Variants in SFT2D1 observed in about 807,000 individuals in gnomAD.
SFT2D1 encodes the protein SFT2 domain containing 1, also known as vesicle transport protein SFT2A.
A neutral mutation model predicts 28.1 loss-of-function variants in SFT2D1; 24 were observed. The observed-to-expected ratio is 0.85, with a 90% CI of 0.62 to 1.20. The LOEUF (loss-of-function observed/expected upper bound fraction) is 1.20, where lower values mean the gene tolerates loss of function less well. Among genes scored for constraint, SFT2D1 ranks in the 50% most tolerant of loss-of-function variants. The pLI is 0.00. For missense variants in SFT2D1, 181 were observed against 190.9 expected (o/e 0.95, Z 0.31); for synonymous variants, 82 against 73.7 (o/e 1.11, Z -0.58).
rs759005488 is a variant in SFT2D1, at chr6:166,329,533, G to A, written c.207C>T (p.Thr69=). The A allele has an allele frequency of 7.5e-6, 12 of 1,609,320 alleles. No individual in the cohort carries two copies. The highest frequency in any genetic ancestry group is 9.3e-6 in the Non-Finnish European group (11 of 1,176,814). Residue 69 remains threonine, a synonymous_variant, in exon 3 of 8, where the codon ACC becomes ACT. Transcript: ENST00000361731. ...TGGCTAACGCAGCAAGATTGCCGAG[G>A]GTATAAAACACTGCAAAAAGCTTTA... ...GGIKLFAVFY[T]LGNLAALAST...
chr6:166,336,285 C>G lies in SFT2D1; in HGVS notation c.64-6038G>C, dbSNP rs142481828. ...CTGAACTGACAGTTACTGTTGTGACCTGAAGTTCACCACCAAAGGGGATCA... is the reference window on the plus strand; with the variant it reads ...CTGAACTGACAGTTACTGTTGTGACGTGAAGTTCACCACCAAAGGGGATCA... On this transcript the variant is annotated intron_variant, in intron 1 of 7. Transcript: ENST00000361731. 4.6e-5 allele frequency among the ~76,000 whole-genome samples: 7 copies of G among 152,260 alleles called. No individual in the cohort carries two copies. In the East Asian group the frequency reaches 5.8e-4, roughly 13 times the overall value.
chr6:166,328,215 C>T lies in SFT2D1; in HGVS notation c.315+61G>A, dbSNP rs1037021292. The T allele has an allele frequency of 1.2e-5, 12 of 988,380 alleles. 1 individual carries two copies. Among genetic ancestry groups the T allele is most frequent in the African/African-American group, 1.0e-4 (6 of 58,834 alleles). 61.2% of individuals were successfully genotyped at this position (988,380 alleles called of 1,614,324 possible). A position where few individuals can be genotyped will look rare whatever the true frequency, so the allele number is the denominator to read the frequency against. On this transcript the variant is annotated intron_variant, in intron 4 of 7. Coordinates refer to ENST00000361731, the MANE Select transcript of SFT2D1 (RefSeq NM_145169.3). The stretch of plus-strand genomic sequence containing the variant: ...TATACATACATAACAGGCAATTATT[C>T]GTAAAATAACAGTGCAAAGAATACT...
chr6:166,320,777 A>G (rs529665946), intron 7 of SFT2D1, among the ~76,000 whole-genome samples: 16 of 152,096 alleles, frequency 1.1e-4, no homozygotes, highest in Admixed American at 7.2e-4. Flanking sequence ...TCAGCCTCCC[A>G]AAATGCTGGG....
chr6:166,330,358 C>T (rs1583038169), intron 1 of SFT2D1, 111 bp from the exon 2 acceptor site: 2 of 705,836 alleles, frequency 2.8e-6, no homozygotes, highest in Admixed American at 6.4e-5. Flanking sequence ...ATTTATTTTG[C>T]ATATCACAGT....
At chr6:166,332,569 A>G (rs1296921941) in intron 1 of SFT2D1, among the ~76,000 whole-genome samples, 1 of 152,222 alleles carries the variant, frequency 6.6e-6, no homozygotes, top group East Asian at 1.9e-4. Flanking sequence ...CCTGCTTATC[A>G]TAAGCATTTA....
chr6:166,335,303 G>A, intron 1 of SFT2D1: 1 of 578,890 alleles, frequency 1.7e-6, no homozygotes, highest in South Asian at 1.4e-5. Context: ...TGGCAGCAGG[G>A]ATGGCTGTAA....
intron 1 of SFT2D1, chr6:166,335,024 G>T: frequency 2.0e-6 from 1 of 505,980 alleles, no homozygotes. Flanking sequence ...CTATGCCTTC[G>T]TGCCTCTGAC....
At position 166,324,411 on chromosome 6, in the gene SFT2D1, T is replaced by C. The variant is rs1163793548; in HGVS notation, c.410+126A>G. 2.9e-5 allele frequency: 24 copies of C among 815,480 alleles called. No homozygotes were observed. The East Asian group carries it at 4.2e-4, about 14-fold the overall frequency. 50.5% of individuals were successfully genotyped at this position (815,480 alleles called of 1,614,324 possible). A position where few individuals can be genotyped will look rare whatever the true frequency, so the allele number is the denominator to read the frequency against. Reference sequence around the variant, plus strand: ...GACTCATCGCAGACCTCCCCTCCTCTGACCCTGCAGGGCCTGTCTGGCTCC... The same window carrying C: ...GACTCATCGCAGACCTCCCCTCCTCCGACCCTGCAGGGCCTGTCTGGCTCC... On this transcript the variant is annotated intron_variant, in intron 6 of 7. Coordinates refer to ENST00000361731, the MANE Select transcript of SFT2D1 (RefSeq NM_145169.3).
chr6:166,338,394 C>T (rs1333423118), intron 1 of SFT2D1, among the ~76,000 whole-genome samples: 1 of 152,126 alleles, frequency 6.6e-6, no homozygotes, highest in Non-Finnish European at 1.5e-5. Context: ...AGGAATAAGA[C>T]AGCACCTAGC....
At chr6:166,331,843 G>A (rs1778558737) in intron 1 of SFT2D1, among the ~76,000 whole-genome samples, 2 of 152,174 alleles carry the variant, frequency 1.3e-5, no homozygotes, top group South Asian at 2.1e-4. Context: ...CTAAAGGTTC[G>A]TGTGAGTCCA....
intron 1 of SFT2D1, among the ~76,000 whole-genome samples, chr6:166,337,558 C>T (rs755620287): frequency 5.9e-5 from 9 of 152,060 alleles, no homozygotes; most frequent in Non-Finnish European, 1.2e-4. Context: ...AGACAGCTTC[C>T]TCCTTGTGTT....
At chr6:166,322,568 C>T (rs1778375934) in intron 7 of SFT2D1, among the ~76,000 whole-genome samples, 1 of 151,430 alleles carries the variant, frequency 6.6e-6, no homozygotes, top group Non-Finnish European at 1.5e-5. Flanking sequence ...CAGTACGCGC[C>T]TGTAGTCCCA....
At chr6:166,328,178 TA>T (rs928632606) in intron 4 of SFT2D1, 97 bp downstream of exon 4, 4 of 521,220 alleles carry the variant, frequency 7.7e-6, no homozygotes, top group South Asian at 6.0e-5. Flanking sequence ...AAAATAAAAA[TA>T]AAAAAAGAAG....
chr6:166,328,414 CA>C, intron 3 of SFT2D1, 57 bp from the exon 4 acceptor site: 2 of 954,268 alleles, frequency 2.1e-6, no homozygotes, highest in Non-Finnish European at 3.0e-6. Flanking sequence ...TCTGGTTATG[CA>C]AAAATAAACT....
intron 7 of SFT2D1, among the ~76,000 whole-genome samples, chr6:166,321,397 T>G (rs961958978): frequency 6.6e-6 from 1 of 152,214 alleles, no homozygotes. Flanking sequence ...TCAGAGCCTC[T>G]TGTATGGGAC....
chr6:166,322,121 G>C (rs985836607), intron 7 of SFT2D1, among the ~76,000 whole-genome samples: 1 of 152,154 alleles, frequency 6.6e-6, no homozygotes, highest in Non-Finnish European at 1.5e-5. Flanking sequence ...GACCTCAAGT[G>C]ATCTGCCCAC....
rs79864715 is a variant in SFT2D1, at chr6:166,324,726, T to C, written c.352-131A>G. The stretch of plus-strand genomic sequence containing the variant: ...TTATCTTTATTAAATTTTAGTGTGA[T>C]AAATTTAAGATACAGTTGATCTGAA... On this transcript the variant is annotated intron_variant, in intron 5 of 7. Transcript: ENST00000361731. The C allele has an allele frequency of 9.6e-3, 7,898 of 825,128 alleles. 85 individuals carry two copies. The highest frequency in any genetic ancestry group is 0.012 in the Non-Finnish European group (6,401 of 539,846). 51.1% of individuals were successfully genotyped at this position (825,128 alleles called of 1,614,324 possible).
chr6:166,323,804 T>C (rs1005716448), intron 6 of SFT2D1: 1 of 152,180 alleles, frequency 6.6e-6, no homozygotes, highest in Non-Finnish European at 1.5e-5. Flanking sequence ...ATTTACTGGT[T>C]GAGTATCAAC....
intron 6 of SFT2D1, chr6:166,324,293 A>C: frequency 2.5e-6 from 1 of 395,550 alleles, no homozygotes; most frequent in East Asian, 3.8e-5. Flanking sequence ...CACATTAGAA[A>C]AAAGCAGAAC....
Sources: gnomAD v4.1 joint callset for allele counts (sites outside exome capture counted in the v4.1 genomes callset) on GRCh38, gnomAD v4.1.1 for gene constraint, MANE v1.5 for transcripts, NCBI Gene and HGNC (gene_info 2026-07-23, HGNC 2026-07-21) for gene names.